ARL13B: variants seen among roughly 807,000 people sequenced by gnomAD.
ARL13B encodes the protein ADP-ribosylation factor-like protein 13B.
ARL13B carries 36 observed loss-of-function variants against 56.1 expected under a neutral mutation model. The ratio of observed to expected loss-of-function variants is 0.64; its 90% CI spans 0.49 to 0.85. ARL13B has a LOEUF of 0.85. Ranked by LOEUF, ARL13B falls within the 40% of genes least tolerant of loss-of-function variation. The pLI is 0.00. For missense variants in ARL13B, 519 were observed against 507.1 expected (o/e 1.02, Z -0.23); for synonymous variants, 178 against 171.1 (o/e 1.04, Z -0.32).
intron 3 of ARL13B, chr3:94,015,084 G>A: frequency 6.2e-7 from 1 of 1,613,790 alleles, no homozygotes; most frequent in Non-Finnish European, 8.5e-7. Context: ...CTGCCAAATT[G>A]TTAATACTTT....
chr3:94,048,005 C>G (rs2077008964), intron 7 of ARL13B: 1 of 150,532 alleles, frequency 6.6e-6, no homozygotes, highest in African/African-American at 2.5e-5. Flanking sequence ...CATAGACACA[C>G]ACACACACAC....
In ARL13B at chr3:94,019,385, T is replaced by G. The variant is rs150841282; in HGVS notation, c.380+15477T>G. ...CTAATTTTTGTATTTTCAGTAGAGA[T>G]AGGGTTTCACCATATTGGTCAGGTT... is the stretch of plus-strand genomic sequence containing the variant. On this transcript the variant is annotated intron_variant, in intron 3 of 9. Coordinates refer to ENST00000394222, the MANE Select transcript of ARL13B (RefSeq NM_001174150.2). Among the ~76,000 whole-genome samples the G allele has an allele frequency of 8.0e-4, 121 of 151,746 alleles. 2 individuals carry two copies. The East Asian group carries it at 0.023, about 28-fold the overall frequency.
rs574323114 is a variant in ARL13B at position 94,005,326 on chromosome 3, A to G, written c.380+1418A>G. Among the ~76,000 whole-genome samples, 120 of 152,334 alleles carry G rather than the reference A, an allele frequency of 7.9e-4. 1 individual carries two copies. The highest frequency in any genetic ancestry group is 2.7e-3 in the African/African-American group (113 of 41,594). On this transcript the variant is annotated intron_variant, in intron 3 of 9. Transcript: ENST00000394222. ...ACAAACAAGTAAAAGAATATCAGAA[A>G]GCCTATGGTGGTAGTGATGACAAGG... is the stretch of plus-strand genomic sequence containing the variant.
intron 1 of ARL13B, among the ~76,000 whole-genome samples, chr3:93,995,112 T>C (rs2075943049): frequency 6.6e-6 from 1 of 152,126 alleles, no homozygotes; most frequent in Non-Finnish European, 1.5e-5. Context: ...AAGAAATGAC[T>C]ATATAGTGGT....
At chr3:94,050,416 A>T (rs1229749678) in intron 8 of ARL13B, among the ~76,000 whole-genome samples, 2 of 152,104 alleles carry the variant, frequency 1.3e-5, no homozygotes, top group African/African-American at 4.8e-5. Context: ...GACTAGATAA[A>T]TATGTGTATA....
chr3:93,999,789 T>C (rs909846871), intron 2 of ARL13B, among the ~76,000 whole-genome samples: 1 of 152,190 alleles, frequency 6.6e-6, no homozygotes, highest in Admixed American at 6.5e-5. Flanking sequence ...TGGACACAGG[T>C]TCAATTGTTC....
At chr3:94,015,654 T>G (rs1175636395) in intron 3 of ARL13B, among the ~76,000 whole-genome samples, 1 of 152,162 alleles carries the variant, frequency 6.6e-6, no homozygotes, top group Non-Finnish European at 1.5e-5. Flanking sequence ...AATGCCCTTG[T>G]TACTAAAGAT....
In ARL13B at chr3:94,053,654, T is replaced by C. The variant is rs1001669493; in HGVS notation, c.*391T>C. Reference sequence around the variant, plus strand: ...GATATTAAATATTTTTTGTAAGATATATGCACATAGAAGGGGGACTTCTAG... The same window carrying C: ...GATATTAAATATTTTTTGTAAGATACATGCACATAGAAGGGGGACTTCTAG... On this transcript the variant is annotated 3_prime_UTR_variant, in exon 10 of 10. Coordinates refer to ENST00000394222, the MANE Select transcript of ARL13B (RefSeq NM_001174150.2). 4.9e-6 allele frequency: 2 copies of C among 405,226 alleles called. No homozygotes were observed. Among genetic ancestry groups the C allele is most frequent in the African/African-American group, 4.1e-5 (2 of 48,516 alleles). The allele number at this position is 405,226 out of a possible 1,614,324, so 25.1% of individuals were successfully genotyped here.
chr3:93,986,319 T>A (rs1463776805), intron 1 of ARL13B, among the ~76,000 whole-genome samples: 1 of 152,226 alleles, frequency 6.6e-6, no homozygotes, highest in East Asian at 1.9e-4. Context: ...TCATACTCAG[T>A]AAATTTAGAT....
At chr3:94,014,343 A>G (rs373154016) in intron 3 of ARL13B, 4 of 1,469,296 alleles carry the variant, frequency 2.7e-6, no homozygotes, top group Non-Finnish European at 3.6e-6. Context: ...AATATAAGCT[A>G]TCTTTTACCG....
chr3:94,020,623 T>C (rs1211426631), intron 3 of ARL13B, among the ~76,000 whole-genome samples: 1 of 152,164 alleles, frequency 6.6e-6, no homozygotes, highest in Non-Finnish European at 1.5e-5. Context: ...AATCTGTTTG[T>C]GTCAGGAAAA....
chr3:94,047,999 G>GACACACACAC (rs5850922), intron 7 of ARL13B: 2 of 142,158 alleles, frequency 1.4e-5, no homozygotes, highest in Non-Finnish European at 3.1e-5. Context: ...ACATTGCATA[G>GACACACACAC]ACACACACAC....
chr3:94,052,992 G>C (rs1025190871), intron 9 of ARL13B, among the ~76,000 whole-genome samples, 195 bp from the exon 10 acceptor site: 5 of 152,136 alleles, frequency 3.3e-5, no homozygotes, highest in Admixed American at 2.6e-4. Flanking sequence ...CAACAGGATG[G>C]AATGTTGGTG....
chr3:93,988,537 A>G, intron 1 of ARL13B: 1 of 288,546 alleles, frequency 3.5e-6, no homozygotes, highest in South Asian at 3.0e-5. Flanking sequence ...TTCTAGAGCT[A>G]CTAAAAGACT....
intron 1 of ARL13B, among the ~76,000 whole-genome samples, chr3:93,988,343 A>G (rs935297518): frequency 3.3e-5 from 5 of 152,182 alleles, no homozygotes; most frequent in Non-Finnish European, 7.3e-5. Flanking sequence ...GTATTACAGT[A>G]TATAAAAACT....
At chr3:94,000,592 TTA>T (rs1445713884) in intron 2 of ARL13B, among the ~76,000 whole-genome samples, 2 of 151,868 alleles carry the variant, frequency 1.3e-5, no homozygotes, top group Non-Finnish European at 2.9e-5. Context: ...ATATATATAT[TTA>T]TGTTTCATAT....
At chr3:94,001,939 CCTTTTT>C (rs1255377150) in intron 2 of ARL13B, among the ~76,000 whole-genome samples, 3 of 152,220 alleles carry the variant, frequency 2.0e-5, no homozygotes, top group South Asian at 4.1e-4. Flanking sequence ...TCTAACTTTA[CCTTTTT>C]CTTTTTCTAG....
At chr3:94,039,228 C>T (rs897969447) in intron 5 of ARL13B, among the ~76,000 whole-genome samples, 10 of 152,158 alleles carry the variant, frequency 6.6e-5, no homozygotes, top group Admixed American at 2.6e-4. Flanking sequence ...TGGCTGGGCG[C>T]GGTGGCTCAC....
intron 3 of ARL13B, among the ~76,000 whole-genome samples, chr3:94,034,014 G>T (rs531649105): frequency 8.5e-5 from 13 of 152,206 alleles, no homozygotes; most frequent in South Asian, 6.2e-4. Context: ...AGAGTTAAGT[G>T]ATAAGTAACG....
Sources: allele counts gnomAD v4.1 joint callset (sites outside exome capture counted in the v4.1 genomes callset), GRCh38; gene constraint gnomAD v4.1.1; transcripts MANE v1.5; gene names NCBI Gene and HGNC (gene_info 2026-07-23, HGNC 2026-07-21).